SLC22A9: variants seen among roughly 807,000 people sequenced by gnomAD.
SLC22A9 encodes the protein solute carrier family 22 member 9.
In SLC22A9, 64 loss-of-function variants were observed where a neutral mutation model predicts 50.1. That is an observed-to-expected ratio of 1.28 (90% CI 1.04 to 1.57). The LOEUF (loss-of-function observed/expected upper bound fraction) is 1.57. SLC22A9 is among the 40% of genes most tolerant of loss of function. SLC22A9 has a pLI of 0.00. For synonymous variants in SLC22A9, 261 were observed against 242.5 expected (o/e 1.08, Z -0.71); for missense variants, 757 against 676.1 (o/e 1.12, Z -1.33).
At chr11:63,397,742 A>T (rs920597101) in intron 6 of SLC22A9, among the ~76,000 whole-genome samples, 7 of 152,064 alleles carry the variant, frequency 4.6e-5, no homozygotes, top group Non-Finnish European at 8.8e-5. Context: ...GCTTGTGTGA[A>T]TGCTGCTTCC....
At position 63,409,815 on chromosome 11, in the gene SLC22A9, A is replaced by G. The variant is rs2015107386; in HGVS notation, c.1615A>G (p.Arg539Gly). ...TATTTGTTCTAGGAGAAAAGACCCCAGAGAACCAAAGCAAGAGGATCCGAG... is the reference window on the plus strand; with the variant it reads ...TATTTGTTCTAGGAGAAAAGACCCCGGAGAACCAAAGCAAGAGGATCCGAG... ...QDEKNERKDP[R>G]EPKQEDPRVE... is the part of the protein sequence containing the mutation. The change falls in exon 10 of 10, where the codon AGA becomes GGA. Residue 539 changes from arginine (R) to glycine (G), a missense_variant. By Grantham distance (125) the Arg-to-Gly change is moderately radical. Transcript: ENST00000279178. 1.2e-6 allele frequency: 2 copies of G among 1,613,724 alleles called. No homozygotes were observed. The highest frequency in any genetic ancestry group is 1.7e-6 in the Non-Finnish European group (2 of 1,179,814).
intron 2 of SLC22A9, among the ~76,000 whole-genome samples, chr11:63,372,982 A>G (rs1006177563): frequency 1.3e-5 from 2 of 152,154 alleles, no homozygotes; most frequent in Non-Finnish European, 2.9e-5. Flanking sequence ...AGCAGTAGCT[A>G]AAACCTTTGA....
Position 63,401,920 on chromosome 11 carries a change from A to T in SLC22A9, c.1074-4577A>T, listed in dbSNP as rs1277455639. Reference sequence around the variant, plus strand: ...TGTATGTCTTCTCTGGAGAACTGTCAGTTCATGTCCTTTGCCCATTTTTAA... The same window carrying T: ...TGTATGTCTTCTCTGGAGAACTGTCTGTTCATGTCCTTTGCCCATTTTTAA... On this transcript the variant is annotated intron_variant, in intron 6 of 9. Coordinates refer to ENST00000279178, the MANE Select transcript of SLC22A9 (RefSeq NM_080866.3). 2.6e-5 allele frequency among the ~76,000 whole-genome samples: 4 copies of T among 151,916 alleles called. No individual in the cohort carries two copies. The East Asian group carries it at 7.7e-4, about 29-fold the overall frequency.
At chr11:63,371,853 G>A (rs776438999) in intron 2 of SLC22A9, among the ~76,000 whole-genome samples, 3 of 152,158 alleles carry the variant, frequency 2.0e-5, no homozygotes, top group Non-Finnish European at 4.4e-5. Flanking sequence ...TCACCTTGCT[G>A]TATGTCTCCT....
rs568191551 is a variant in SLC22A9, at chr11:63,389,626, G to A, written c.1073+7349G>A. 6.6e-5 allele frequency among the ~76,000 whole-genome samples: 10 copies of A among 152,184 alleles called. No individual in the cohort carries two copies. In the South Asian group the frequency reaches 8.3e-4, roughly 13 times the overall value. ...TTCCAAGTCTCTACTACTGTAAATA[G>A]TGCTGCGATAAACATACGTGTGCAT... On this transcript the variant is annotated intron_variant, in intron 6 of 9. Coordinates refer to ENST00000279178, the MANE Select transcript of SLC22A9 (RefSeq NM_080866.3).
rs750089178 is a variant in SLC22A9, at chr11:63,373,693, G to T, written c.556G>T (p.Val186Phe). The T allele has an allele frequency of 2.5e-6, 4 of 1,608,422 alleles. No homozygotes were observed. The East Asian group carries it at 8.9e-5, about 36-fold the overall frequency. Residue 186 changes from valine to phenylalanine, a missense_variant, in exon 3 of 10, where the codon GTT becomes TTT. Transcript: ENST00000279178. The stretch of plus-strand genomic sequence containing the variant: ...ATGGTGTTACCTCCAGGTTGCCATT[G>T]TTGGCACCTGTGCAGCCTTGGCTCC... ...LRWCYLQVAI[V>F]GTCAALAPTF... is the part of the protein sequence containing the mutation.
intron 6 of SLC22A9, among the ~76,000 whole-genome samples, chr11:63,399,361 AT>A (rs2014916437): frequency 6.6e-6 from 1 of 152,196 alleles, no homozygotes; most frequent in East Asian, 1.9e-4. Context: ...AGAAAAAGGT[AT>A]TCCATGCAAA....
chr11:63,380,864 G>T (rs895400105), intron 5 of SLC22A9, among the ~76,000 whole-genome samples: 1 of 151,662 alleles, frequency 6.6e-6, no homozygotes, highest in Admixed American at 6.6e-5. Flanking sequence ...AAGTTGGAAA[G>T]TAAAAAACAA....
In SLC22A9 at chr11:63,370,083, C is replaced by T. The variant is rs563758057; in HGVS notation, c.27C>T (p.His9=). 26 of 1,612,986 alleles carry T rather than the reference C, an allele frequency of 1.6e-5. No homozygotes were observed. The Middle Eastern group carries it at 6.6e-4, about 41-fold the overall frequency. Residue 9 remains histidine (H), a synonymous_variant, in exon 1 of 10, where the codon CAC becomes CAT. Transcript: ENST00000279178. MAFQDLLG[H]AGDLWRFQIL... ...TGGCCTTTCAGGACCTCCTGGGTCA[C>T]GCTGGTGACCTGTGGAGATTCCAGA...
At chr11:63,394,459 A>G (rs1451183809) in intron 6 of SLC22A9, among the ~76,000 whole-genome samples, 2 of 152,076 alleles carry the variant, frequency 1.3e-5, no homozygotes, top group Non-Finnish European at 2.9e-5. Flanking sequence ...TATCTGAAAA[A>G]GACAATCTTT....
At chr11:63,371,935 C>T (rs1024326579) in intron 2 of SLC22A9, among the ~76,000 whole-genome samples, 3 of 152,138 alleles carry the variant, frequency 2.0e-5, no homozygotes, top group Non-Finnish European at 4.4e-5. Flanking sequence ...TGAAGTGCCA[C>T]TTGCCATCCA....
At chr11:63,400,257 G>C (rs111234683) in intron 6 of SLC22A9, among the ~76,000 whole-genome samples, 1 of 151,674 alleles carries the variant, frequency 6.6e-6, no homozygotes, top group Non-Finnish European at 1.5e-5. Context: ...ACATCAACAA[G>C]GCTTTATGCA....
intron 6 of SLC22A9, among the ~76,000 whole-genome samples, chr11:63,390,718 A>T (rs2014749207): frequency 6.6e-6 from 1 of 152,124 alleles, no homozygotes; most frequent in Admixed American, 6.6e-5. Context: ...GTTTTTTCTA[A>T]TTCTATGAAG....
At chr11:63,380,957 C>CAGGGAAAAAAAGAGAGCATTGCTTAT (rs1468427329) in intron 5 of SLC22A9, among the ~76,000 whole-genome samples, 20 of 151,802 alleles carry the variant, frequency 1.3e-4, no homozygotes, top group Non-Finnish European at 2.6e-4. Flanking sequence ...ATCAGTTTCC[C>CAGGGAAAAAAAGAGAGCATTGCTTAT]AGGGAAAAAA....
At chr11:63,388,552 A>C (rs1175788790) in intron 6 of SLC22A9, among the ~76,000 whole-genome samples, 1 of 151,832 alleles carries the variant, frequency 6.6e-6, no homozygotes, top group African/African-American at 2.4e-5. Context: ...CATTGTTTTA[A>C]TGTGTTGTTG....
intron 2 of SLC22A9, among the ~76,000 whole-genome samples, 185 bp from the exon 3 acceptor site, chr11:63,373,459 G>T (rs2014400980): frequency 6.6e-6 from 1 of 151,948 alleles, no homozygotes; most frequent in South Asian, 2.1e-4. Context: ...TGATCTACTT[G>T]GTATTTATTT....
At position 63,386,434 on chromosome 11, in the gene SLC22A9, C is replaced by CTTTTTTTTT. The variant is rs71065364; in HGVS notation, c.1073+4183_1073+4191dup. Among the ~76,000 whole-genome samples, 76 of 33,512 alleles carry CTTTTTTTTT rather than the reference C, an allele frequency of 2.3e-3. 8 individuals are homozygous for CTTTTTTTTT. Among genetic ancestry groups the CTTTTTTTTT allele is most frequent in the African/African-American group, 4.6e-3 (26 of 5,634 alleles). The allele number at this position is 33,512 out of a possible 152,430, so 22.0% of individuals were successfully genotyped here. Reference sequence around the variant, plus strand: ...AGCTATAAATCCACGTGGACCTGGACTTTTTTTTTTTTTTTTTTTTTTTTT... The same window carrying CTTTTTTTTT: ...AGCTATAAATCCACGTGGACCTGGACTTTTTTTTTTTTTTTTTTTTTTTTTTTTTTTTTT... On this transcript the variant is annotated intron_variant, in intron 6 of 9. Coordinates refer to ENST00000279178, the MANE Select transcript of SLC22A9 (RefSeq NM_080866.3).
At chr11:63,409,525 G>A (rs1332047603) in intron 9 of SLC22A9, among the ~76,000 whole-genome samples, 3 of 151,906 alleles carry the variant, frequency 2.0e-5, no homozygotes, top group African/African-American at 4.8e-5. Flanking sequence ...GCCATCCTGG[G>A]CCACAGGCAG....
At chr11:63,380,424 A>G (rs112436996) in intron 5 of SLC22A9, among the ~76,000 whole-genome samples, 5,181 of 152,292 alleles carry the variant, frequency 0.034, 125 homozygotes, top group Non-Finnish European at 0.056. Flanking sequence ...TAACAAAGAC[A>G]TGGAATCAAC....
Sources: gnomAD v4.1 joint callset for allele counts (sites outside exome capture counted in the v4.1 genomes callset) on GRCh38, gnomAD v4.1.1 for gene constraint, MANE v1.5 for transcripts, NCBI Gene and HGNC (gene_info 2026-07-23, HGNC 2026-07-21) for gene names.